The following GMDS variants were observed in gnomAD, a reference collection of about 807,000 sequenced individuals.
GMDS encodes GDP-mannose 4,6-dehydratase, also known as GDP-mannose 4,6 dehydratase.
GMDS carries 20 observed loss-of-function variants against 49.9 expected under a neutral mutation model. The observed-to-expected ratio is 0.40, with a 90% CI of 0.28 to 0.58. The LOEUF is 0.58. GMDS is among the 20% of genes least tolerant of loss of function. GMDS has a pLI of 0.42. For synonymous variants in GMDS, 177 were observed against 178.6 expected, an observed-to-expected ratio of 0.99 and a Z score of 0.07; for missense variants, 362 against 481.4, an observed-to-expected ratio of 0.75 and a Z score of 2.32.
chr6:1,790,898 G>A (rs1420112366), intron 7 of GMDS, among the ~76,000 whole-genome samples: 1 of 152,106 alleles, frequency 6.6e-6, no homozygotes, highest in Admixed American at 6.6e-5. Flanking sequence ...ACCTCACATG[G>A]CAAGATGGTC....
intron 4 of GMDS, among the ~76,000 whole-genome samples, chr6:2,082,355 T>C (rs1772764159): frequency 6.6e-6 from 1 of 152,146 alleles, no homozygotes; most frequent in Non-Finnish European, 1.5e-5. Context: ...AGGGAGACAG[T>C]CAACAGAAGG....
chr6:2,092,786 A>C, intron 4 of GMDS, among the ~76,000 whole-genome samples: 1 of 152,224 alleles, frequency 6.6e-6, no homozygotes. Context: ...CATTTCTTCC[A>C]ACAGTAAAAA....
chr6:1,705,310 G>T (rs1049026674), intron 9 of GMDS, among the ~76,000 whole-genome samples: 2 of 152,332 alleles, frequency 1.3e-5, no homozygotes, highest in South Asian at 4.1e-4. Context: ...AAGGTGATGG[G>T]CACAAAACAC....
intron 6 of GMDS, chr6:1,931,003 T>C (rs1468055212): frequency 6.6e-6 from 1 of 152,240 alleles, no homozygotes; most frequent in Non-Finnish European, 1.5e-5. Flanking sequence ...TTTAATGTTC[T>C]CTGGTCTTTA....
rs150162594 is a variant in GMDS, at chr6:1,853,187, C to T, written c.771+76916G>A. Among the ~76,000 whole-genome samples, 67 of 152,088 alleles carry T rather than the reference C, an allele frequency of 4.4e-4. 1 individual carries two copies. The East Asian group carries it at 0.011, about 24-fold the overall frequency. ...GACATGAAATACTGCCAACACAAGA[C>T]ACAAAACACTGCCTTTTTGGAAAAG... On this transcript the variant is annotated intron_variant, in intron 7 of 10. Transcript: ENST00000380815.
intron 7 of GMDS, among the ~76,000 whole-genome samples, chr6:1,768,099 G>A (rs1480441189): frequency 6.6e-6 from 1 of 151,590 alleles, no homozygotes; most frequent in Non-Finnish European, 1.5e-5. Flanking sequence ...AAGATCCAGA[G>A]GTAAAAATAA....
Position 1,999,323 on chromosome 6 carries a change from A to T in GMDS, c.346-38357T>A, listed in dbSNP as rs75717128. ...GTGACAGAGCGAGACTCTGTCTCAA[A>T]AAAAAAAAAAAAAAAAACTGCAGAT... is the stretch of plus-strand genomic sequence containing the variant. On this transcript the variant is annotated intron_variant, in intron 4 of 10. Coordinates refer to ENST00000380815, the MANE Select transcript of GMDS (RefSeq NM_001500.4). 1.3e-3 allele frequency among the ~76,000 whole-genome samples: 112 copies of T among 85,916 alleles called. 2 individuals carry two copies. The highest frequency in any genetic ancestry group is 4.3e-3 in the South Asian group (14 of 3,236). The allele number at this position is 85,916 out of a possible 152,430, so 56.4% of individuals were successfully genotyped here.
intron 7 of GMDS, among the ~76,000 whole-genome samples, chr6:1,881,519 T>C (rs901401711): frequency 9.2e-5 from 14 of 152,226 alleles, no homozygotes; most frequent in Non-Finnish European, 1.8e-4. Flanking sequence ...CATGCAGCCT[T>C]GTAAGAGCAT....
At chr6:1,939,116 AT>A (rs1051368053) in intron 6 of GMDS, among the ~76,000 whole-genome samples, 1 of 150,026 alleles carries the variant, frequency 6.7e-6, no homozygotes, top group Non-Finnish European at 1.5e-5. Flanking sequence ...ATTTTTTCTG[AT>A]TTGACATCTT....
chr6:2,096,400 G>C lies in GMDS; in HGVS notation c.345+19371C>G, dbSNP rs908965248. 1.6e-4 allele frequency among the ~76,000 whole-genome samples: 24 copies of C among 151,974 alleles called. 1 individual carries two copies. The highest frequency in any genetic ancestry group is 5.8e-4 in the African/African-American group (24 of 41,358). On this transcript the variant is annotated intron_variant, in intron 4 of 10. Coordinates refer to ENST00000380815, the MANE Select transcript of GMDS (RefSeq NM_001500.4). ...GTTTTTATTACTAGAATTTGTTTTT[G>C]TTTCAGAAAACAACATATTTACAAA... is the stretch of plus-strand genomic sequence containing the variant.
In GMDS at chr6:1,727,162, C is replaced by T. The variant is rs574226027; in HGVS notation, c.891-650G>A. Among the ~76,000 whole-genome samples, 28 of 152,240 alleles carry T rather than the reference C, an allele frequency of 1.8e-4. 1 individual carries two copies. In the South Asian group the frequency reaches 2.3e-3, roughly 12 times the overall value. ...TATATCAATATTACTTTCCTATAACCTCCTCTGACCTAGCTAGGATACTGT... is the reference window on the plus strand; with the variant it reads ...TATATCAATATTACTTTCCTATAACTTCCTCTGACCTAGCTAGGATACTGT... On this transcript the variant is annotated intron_variant, in intron 8 of 10. Coordinates refer to ENST00000380815, the MANE Select transcript of GMDS (RefSeq NM_001500.4).
At chr6:1,764,756 C>T (rs1768285318) in intron 7 of GMDS, among the ~76,000 whole-genome samples, 1 of 152,188 alleles carries the variant, frequency 6.6e-6, no homozygotes, top group Non-Finnish European at 1.5e-5. Context: ...AGTTTTAGAA[C>T]TGAATCTGGG....
intron 4 of GMDS, among the ~76,000 whole-genome samples, chr6:2,068,087 C>T (rs933227932): frequency 1.3e-5 from 2 of 148,266 alleles, no homozygotes; most frequent in African/African-American, 2.5e-5. Flanking sequence ...GGGCTTCATC[C>T]CTGGGATGCA....
chr6:1,752,178 G>C (rs543360939), intron 7 of GMDS, among the ~76,000 whole-genome samples: 1 of 152,264 alleles, frequency 6.6e-6, no homozygotes, highest in South Asian at 2.1e-4. Flanking sequence ...AACCAGCTTA[G>C]AGAAGAACAT....
intron 1 of GMDS, among the ~76,000 whole-genome samples, chr6:2,236,434 T>C (rs1287957417): frequency 1.3e-5 from 2 of 152,232 alleles, no homozygotes; most frequent in Non-Finnish European, 2.9e-5. Context: ...TCTGCTGTCT[T>C]TCTCCTTGAC....
intron 9 of GMDS, among the ~76,000 whole-genome samples, chr6:1,644,930 CT>C (rs754544147): frequency 0.13 from 18,034 of 136,208 alleles, 1,751 homozygotes; most frequent in African/African-American, 0.28. Flanking sequence ...GACTCTGGTC[CT>C]TTTTTTTTTT....
chr6:2,240,080 T>A (rs1386922634), intron 1 of GMDS, among the ~76,000 whole-genome samples: 1 of 152,162 alleles, frequency 6.6e-6, no homozygotes, highest in Non-Finnish European at 1.5e-5. Flanking sequence ...TACAATCCTC[T>A]TATATGAGAA....
At chr6:1,812,302 C>A (rs1469685751) in intron 7 of GMDS, among the ~76,000 whole-genome samples, 1 of 152,068 alleles carries the variant, frequency 6.6e-6, no homozygotes, top group Non-Finnish European at 1.5e-5. Context: ...GGCCCAGGAC[C>A]CTGGTGACTG....
At chr6:2,085,122 T>A (rs920036164) in intron 4 of GMDS, among the ~76,000 whole-genome samples, 3 of 151,930 alleles carry the variant, frequency 2.0e-5, no homozygotes, top group Non-Finnish European at 4.4e-5. Flanking sequence ...TGTCATGAGA[T>A]CCTTAAGTTT....
Sources: allele counts gnomAD v4.1 joint callset (sites outside exome capture counted in the v4.1 genomes callset), GRCh38; gene constraint gnomAD v4.1.1; transcripts MANE v1.5; gene names NCBI Gene and HGNC (gene_info 2026-07-23, HGNC 2026-07-21).